The following PGCKA1 variants were observed in gnomAD, a reference collection of about 807,000 sequenced individuals.
PGCKA1 encodes PDCD10 and GCKIII kinases associated 1, also known as PDCD10 and GCKIII kinases-associated protein 1.
chr4:37,455,861 T>C, the PGCKA1 span, among the ~76,000 whole-genome samples: 133 of 152,338 alleles, frequency 8.7e-4, no homozygotes, highest in Non-Finnish European at 1.6e-3. Flanking sequence ...GGAAGCCCAT[T>C]CACGGTGCTT....
the PGCKA1 span, among the ~76,000 whole-genome samples, chr4:37,548,014 A>G: frequency 1.5e-5 from 2 of 131,248 alleles, no homozygotes; most frequent in East Asian, 4.9e-4. Flanking sequence ...AAAAAAAAGG[A>G]AAAAAAAAGG....
chr4:37,545,146 G>T, the PGCKA1 span, among the ~76,000 whole-genome samples: 3 of 152,086 alleles, frequency 2.0e-5, no homozygotes, highest in Non-Finnish European at 4.4e-5. Flanking sequence ...CTGAGCCACC[G>T]CGCCTGGCCA....
At chr4:37,519,922 G>A in the PGCKA1 span, among the ~76,000 whole-genome samples, 1 of 152,108 alleles carries the variant, frequency 6.6e-6, no homozygotes, top group African/African-American at 2.4e-5. Context: ...TTATTATGTT[G>A]AGGTATAATC....
chr4:37,472,026 C>T, the PGCKA1 span, among the ~76,000 whole-genome samples: 1 of 152,168 alleles, frequency 6.6e-6, no homozygotes, highest in Non-Finnish European at 1.5e-5. Flanking sequence ...TATGGGGAAG[C>T]TCTCCAGTGG....
chr4:37,532,382 GT>G, the PGCKA1 span, among the ~76,000 whole-genome samples: 5,070 of 152,220 alleles, frequency 0.033, 309 homozygotes, highest in African/African-American at 0.12. Flanking sequence ...AAACAAAAAT[GT>G]GAACCAGCAT....
the PGCKA1 span, chr4:37,588,555 CCTT>C: frequency 6.1e-6 from 2 of 326,490 alleles, no homozygotes; most frequent in Non-Finnish European, 1.1e-5. Context: ...CATCCTTCCA[CCTT>C]CTTCTCCTCA....
the PGCKA1 span, among the ~76,000 whole-genome samples, chr4:37,486,228 ACTCTT>A: frequency 3.3e-5 from 5 of 151,478 alleles, no homozygotes; most frequent in African/African-American, 1.2e-4. Flanking sequence ...TCTAACTCCT[ACTCTT>A]AGGTGAAGAT....
At chr4:37,498,926 C>G in the PGCKA1 span, among the ~76,000 whole-genome samples, 2 of 152,160 alleles carry the variant, frequency 1.3e-5, no homozygotes, top group Non-Finnish European at 2.9e-5. Context: ...ATGCTTCCAG[C>G]TTTTGCCCAT....
chr4:37,465,657 C>G, the PGCKA1 span, among the ~76,000 whole-genome samples: 1 of 152,148 alleles, frequency 6.6e-6, no homozygotes, highest in African/African-American at 2.4e-5. Context: ...TACCAGGTCC[C>G]TCTCAGTGGA....
the PGCKA1 span, among the ~76,000 whole-genome samples, chr4:37,458,799 T>C: frequency 6.6e-6 from 1 of 152,228 alleles, no homozygotes; most frequent in Non-Finnish European, 1.5e-5. Context: ...ACTGCAACGT[T>C]ACATTAGAAA....
the PGCKA1 span, among the ~76,000 whole-genome samples, chr4:37,545,109 G>T: frequency 2.0e-5 from 3 of 152,074 alleles, no homozygotes; most frequent in African/African-American, 4.8e-5. Context: ...ACGCACCTTG[G>T]CCTCCCCAAG....
chr4:37,554,278 C>G, the PGCKA1 span, among the ~76,000 whole-genome samples: 1 of 152,156 alleles, frequency 6.6e-6, no homozygotes, highest in Non-Finnish European at 1.5e-5. Flanking sequence ...ATAAATTACC[C>G]AGTCTCAGGA....
chr4:37,578,673 G>A, the PGCKA1 span, among the ~76,000 whole-genome samples: 1 of 151,924 alleles, frequency 6.6e-6, no homozygotes, highest in African/African-American at 2.4e-5. Context: ...ATTCTCTGGT[G>A]ATATAATTTA....
At chr4:37,582,512 G>A in the PGCKA1 span, among the ~76,000 whole-genome samples, 1 of 152,208 alleles carries the variant, frequency 6.6e-6, no homozygotes, top group African/African-American at 2.4e-5. Flanking sequence ...CAGTGCATCG[G>A]CTGTCATGTC....
At chr4:37,514,580 G>A in the PGCKA1 span, among the ~76,000 whole-genome samples, 1 of 151,994 alleles carries the variant, frequency 6.6e-6, no homozygotes, top group Admixed American at 6.6e-5. Context: ...TCAACACTAT[G>A]AGTACACACA....
the PGCKA1 span, among the ~76,000 whole-genome samples, chr4:37,455,562 G>C: frequency 1.3e-5 from 2 of 152,174 alleles, no homozygotes; most frequent in Non-Finnish European, 2.9e-5. Flanking sequence ...GTCCTCAATG[G>C]CTCCGGAGAT....
chr4:37,539,289 T>C, the PGCKA1 span, among the ~76,000 whole-genome samples: 1 of 152,246 alleles, frequency 6.6e-6, no homozygotes, highest in Non-Finnish European at 1.5e-5. Context: ...TATCGCGTTC[T>C]GCTGCCACTG....
At chr4:37,586,046 G>C in the PGCKA1 span, among the ~76,000 whole-genome samples, 56 of 151,238 alleles carry the variant, frequency 3.7e-4, no homozygotes, top group South Asian at 8.4e-4. Flanking sequence ...TTTTTGGGGG[G>C]TGTGTTTTAA....
chr4:37,488,096 A>C, the PGCKA1 span, among the ~76,000 whole-genome samples: 1 of 152,210 alleles, frequency 6.6e-6, no homozygotes, highest in Admixed American at 6.5e-5. Context: ...CATAGCCTTC[A>C]CATCCAGGCC....
Sources: allele counts gnomAD v4.1 joint callset (sites outside exome capture counted in the v4.1 genomes callset), GRCh38; gene constraint gnomAD v4.1.1; transcripts MANE v1.5; gene names NCBI Gene and HGNC (gene_info 2026-07-23, HGNC 2026-07-21).